ZNF699: variants seen among roughly 807,000 people sequenced by gnomAD.
ZNF699 encodes the protein hangover homolog.
Under a neutral mutation model 22.5 loss-of-function variants are expected in ZNF699, and 18 were observed. That is an observed-to-expected ratio of 0.80 (90% CI 0.55 to 1.19). The LOEUF is 1.19. ZNF699 is among the 50% of genes most tolerant of loss of function. ZNF699 has a pLI of 0.00. For synonymous variants in ZNF699, 241 were observed against 262.3 expected, an observed-to-expected ratio of 0.92 and a Z score of 0.78; for missense variants, 670 against 763.4, an observed-to-expected ratio of 0.88 and a Z score of 1.44.
At chr19:9,298,984 A>G (rs2066297288) in intron 3 of ZNF699, among the ~76,000 whole-genome samples, 1 of 152,238 alleles carries the variant, frequency 6.6e-6, no homozygotes, top group Non-Finnish European at 1.5e-5. Context: ...CCACAAGCAA[A>G]AAAATAAATC....
chr19:9,297,047 A>T lies in ZNF699; in HGVS notation c.471-114T>A. On this transcript the variant is annotated intron_variant, in intron 5 of 5. Coordinates refer to ENST00000591998, the MANE Select transcript of ZNF699 (RefSeq NM_198535.3). The surrounding 1 kb of genome is among the most constrained non-coding windows in gnomAD (Gnocchi z 4.3). ...GCTGAAAGTTTTCACAGAGGGCTCT[A>T]CGACAGCCAATACTGTCACTGAGTT... 1.1e-6 allele frequency: 1 copy of T among 939,630 alleles called. No individual in the cohort carries two copies. The highest frequency in any genetic ancestry group is 1.5e-6 in the Non-Finnish European group (1 of 648,752). 58.2% of individuals were successfully genotyped at this position (939,630 alleles called of 1,614,324 possible).
intron 1 of ZNF699, among the ~76,000 whole-genome samples, chr19:9,309,124 C>T (rs1307301071): frequency 6.7e-6 from 1 of 149,494 alleles, no homozygotes; most frequent in Non-Finnish European, 1.5e-5. Context: ...CAGGAGAGCA[C>T]CTTTTATTTT....
Position 9,296,883 on chromosome 19 carries a change from C to A in ZNF699, c.521G>T (p.Gly174Val), listed in dbSNP as rs1390676951. Residue 174 changes from glycine to valine, a missense_variant, in exon 6 of 6, where the codon GGA (glycine) becomes GTA (valine). Gly to Val is a moderately radical substitution (Grantham distance 109). Coordinates refer to ENST00000591998, the MANE Select transcript of ZNF699 (RefSeq NM_198535.3). ...ATTTGGAACTTGGCTGAAAGTCTGT[C>A]CATCTTGATTTTCTTCATAACATTC... ...IYECYEENQD[G>V]QTFSQVPNLD... is the part of the protein sequence containing the mutation. 6.2e-7 allele frequency: 1 copy of A among 1,613,036 alleles called. No homozygotes were observed.
At position 9,305,260 on chromosome 19, in the gene ZNF699, A is replaced by AACACACACACACACACACAC. The variant is rs1465683449; in HGVS notation, c.-5-137_-5-136insGTGTGTGTGTGTGTGTGTGT. The AACACACACACACACACACAC allele has an allele frequency of 1.9e-3, 1,211 of 650,814 alleles. 6 individuals carry two copies. Among genetic ancestry groups the AACACACACACACACACACAC allele is most frequent in the African/African-American group, 0.013 (668 of 52,878 alleles). The allele number at this position is 650,814 out of a possible 1,614,324, so 40.3% of individuals were successfully genotyped here. A position where few individuals can be genotyped will look rare whatever the true frequency, so the allele number is the denominator to read the frequency against. On this transcript the variant is annotated intron_variant, in intron 1 of 5. Transcript: ENST00000591998. ...AATTATAAGTAACAACTCCCCTCAAAACACATACACACACACACACACACA... is the reference window on the plus strand; with the variant it reads ...AATTATAAGTAACAACTCCCCTCAAAACACACACACACACACACACACACATACACACACACACACACACA...
At chr19:9,300,959 G>A (rs573816758) in intron 3 of ZNF699, among the ~76,000 whole-genome samples, 10 of 152,164 alleles carry the variant, frequency 6.6e-5, no homozygotes, top group Non-Finnish European at 1.3e-4. Flanking sequence ...CAATGATGAC[G>A]TGTCAATGTA....
In ZNF699 at chr19:9,293,928, T is replaced by A. The variant is rs200292466; in HGVS notation, c.*1547A>T. On this transcript the variant is annotated 3_prime_UTR_variant, in exon 6 of 6. Coordinates refer to ENST00000591998, the MANE Select transcript of ZNF699 (RefSeq NM_198535.3). ...CTGAAGCAATTCATCTTCTTACATTTAAAAAAAAAAAAAAAGCAGTAAAAT... is the reference window on the plus strand; with the variant it reads ...CTGAAGCAATTCATCTTCTTACATTAAAAAAAAAAAAAAAAGCAGTAAAAT... 1.5e-4 allele frequency among the ~76,000 whole-genome samples: 21 copies of A among 142,838 alleles called. No individual in the cohort carries two copies. The highest frequency in any genetic ancestry group is 5.6e-4 in the Admixed American group (8 of 14,360). 93.7% of individuals were successfully genotyped at this position (142,838 alleles called of 152,430 possible).
intron 1 of ZNF699, 64 bp from the exon 2 acceptor site, chr19:9,305,188 C>T: frequency 6.9e-7 from 1 of 1,451,706 alleles, no homozygotes; most frequent in South Asian, 1.2e-5. Flanking sequence ...AGAATCCAGA[C>T]CTCCCCAAAA....
intron 1 of ZNF699, among the ~76,000 whole-genome samples, chr19:9,307,571 A>G (rs1304967405): frequency 6.6e-6 from 1 of 152,208 alleles, no homozygotes; most frequent in Non-Finnish European, 1.5e-5. Context: ...AAATTAAAAT[A>G]ACTATTTCAG....
Position 9,291,909 on chromosome 19 carries a change from C to T in ZNF699, c.*3566G>A, listed in dbSNP as rs2144970941. ...TACAGACAGGGTTTCACCATGTTGG[C>T]CAGGCTGGTCTTAAACTCCTGACCT... On this transcript the variant is annotated 3_prime_UTR_variant, in exon 6 of 6. Transcript: ENST00000591998. Among the ~76,000 whole-genome samples the T allele has an allele frequency of 6.6e-6, 1 of 152,106 alleles. No homozygotes were observed. Among genetic ancestry groups the T allele is most frequent in the Middle Eastern group, 3.4e-3 (1 of 294 alleles).
intron 3 of ZNF699, among the ~76,000 whole-genome samples, chr19:9,301,945 C>T (rs1195723898): frequency 6.6e-6 from 1 of 151,114 alleles, no homozygotes; most frequent in African/African-American, 2.4e-5. Context: ...TCTTGTTGCC[C>T]AGGCTGGAGT....
Position 9,294,098 on chromosome 19 carries a change from A to G in ZNF699, c.*1377T>C, listed in dbSNP as rs769071993. 2.0e-5 allele frequency among the ~76,000 whole-genome samples: 3 copies of G among 152,172 alleles called. No individual in the cohort carries two copies. The East Asian group carries it at 5.8e-4, about 29-fold the overall frequency. On this transcript the variant is annotated 3_prime_UTR_variant, in exon 6 of 6. Transcript: ENST00000591998. ...GAGACTTGCGAACGTATTTTTCCCCATGAATAGCATGACATGATGCGATTG... is the reference window on the plus strand; with the variant it reads ...GAGACTTGCGAACGTATTTTTCCCCGTGAATAGCATGACATGATGCGATTG...
rs1279269325 is a variant in ZNF699 at position 9,309,617 on chromosome 19, CGCGGCG to C, written c.-279_-274del. The C allele has an allele frequency of 3.3e-5, 5 of 152,456 alleles. No individual in the cohort carries two copies. The highest frequency in any genetic ancestry group is 7.3e-5 in the Non-Finnish European group (5 of 68,238). 9.4% of individuals were successfully genotyped at this position (152,456 alleles called of 1,614,324 possible). Reference sequence around the variant, plus strand: ...TGACCCGGGCTCTCTGAGGAGGCGCCGCGGCGGCGGGAGGCCCCGGGCGCGGGGTCC... The same window carrying C: ...TGACCCGGGCTCTCTGAGGAGGCGCCGCGGGAGGCCCCGGGCGCGGGGTCC... On this transcript the variant is annotated 5_prime_UTR_variant, in exon 1 of 6. Transcript: ENST00000591998.
rs888107327 is a variant in ZNF699, at chr19:9,297,853, A to G, written c.286+27T>C. The G allele has an allele frequency of 5.1e-6, 8 of 1,561,968 alleles. No homozygotes were observed. In the Admixed American group the frequency reaches 5.2e-5, roughly 10 times the overall value. On this transcript the variant is annotated intron_variant, in intron 4 of 5. Coordinates refer to ENST00000591998, the MANE Select transcript of ZNF699 (RefSeq NM_198535.3). This position sits in a 1 kb window ranked among gnomAD's most constrained non-coding sequence, Gnocchi z 4.3. ...TTTAAGTTTATTTTTTCCCCCAACC[A>G]AAACAGTTTCTCCCAAGGGTTCTTG...
Position 9,297,069 on chromosome 19 carries a change from A to T in ZNF699, c.471-136T>A. The stretch of plus-strand genomic sequence containing the variant: ...TCTACGACAGCCAATACTGTCACTG[A>T]GTTATTGACTCACGGGATTTTTCTG... On this transcript the variant is annotated intron_variant, in intron 5 of 5. Coordinates refer to ENST00000591998, the MANE Select transcript of ZNF699 (RefSeq NM_198535.3). The surrounding 1 kb of genome is among the most constrained non-coding windows in gnomAD (Gnocchi z 4.3). The T allele has an allele frequency of 1.2e-6, 1 of 841,284 alleles. No individual in the cohort carries two copies. The highest frequency in any genetic ancestry group is 3.6e-4 in the Middle Eastern group (1 of 2,742). The allele number at this position is 841,284 out of a possible 1,614,324, so 52.1% of individuals were successfully genotyped here.
chr19:9,297,252 A>G lies in ZNF699; in HGVS notation c.470+44T>C. On this transcript the variant is annotated intron_variant, in intron 5 of 5. Coordinates refer to ENST00000591998, the MANE Select transcript of ZNF699 (RefSeq NM_198535.3). The surrounding 1 kb of genome is among the most constrained non-coding windows in gnomAD (Gnocchi z 4.3). ...TAAATTTCATGACTTTAATTTTAAGATTCTCTCCTGAGGCACTTTCTCTTT... is the reference window on the plus strand; with the variant it reads ...TAAATTTCATGACTTTAATTTTAAGGTTCTCTCCTGAGGCACTTTCTCTTT... The G allele has an allele frequency of 6.6e-7, 1 of 1,524,502 alleles. No individual in the cohort carries two copies. The highest frequency in any genetic ancestry group is 8.8e-7 in the Non-Finnish European group (1 of 1,138,516). The allele number at this position is 1,524,502 out of a possible 1,614,324, so 94.4% of individuals were successfully genotyped here. A position where few individuals can be genotyped will look rare whatever the true frequency, so the allele number is the denominator to read the frequency against.
At chr19:9,307,452 T>C (rs2066331549) in intron 1 of ZNF699, among the ~76,000 whole-genome samples, 3 of 152,044 alleles carry the variant, frequency 2.0e-5, no homozygotes, top group African/African-American at 2.4e-5. Flanking sequence ...ATACATCAGG[T>C]AGAGATACAT....
rs2066279563 is a variant in ZNF699, at chr19:9,295,095, A to G, written c.*380T>C. 5.3e-6 allele frequency: 1 copy of G among 187,316 alleles called. No homozygotes were observed. The highest frequency in any genetic ancestry group is 1.1e-5 in the Non-Finnish European group (1 of 91,384). 11.6% of individuals were successfully genotyped at this position (187,316 alleles called of 1,614,324 possible). ...CCTCCATGATCCAAAAGATTTTGTA[A>G]TGGAAATCATATTTACATCAGAACC... On this transcript the variant is annotated 3_prime_UTR_variant, in exon 6 of 6. Coordinates refer to ENST00000591998, the MANE Select transcript of ZNF699 (RefSeq NM_198535.3).
At position 9,298,382 on chromosome 19, in the gene ZNF699, G is replaced by A. The variant is rs374444787; in HGVS notation, c.176-392C>T. On this transcript the variant is annotated intron_variant, in intron 3 of 5. Transcript: ENST00000591998. Reference sequence around the variant, plus strand: ...AATTGCTTGAACCCGGGAGGCGGAGGTTGCAGTGAGCTGAGATCGTGCCAC... The same window carrying A: ...AATTGCTTGAACCCGGGAGGCGGAGATTGCAGTGAGCTGAGATCGTGCCAC... Among the ~76,000 whole-genome samples the A allele has an allele frequency of 1.3e-4, 19 of 149,712 alleles. No individual in the cohort carries two copies. In the South Asian group the frequency reaches 4.0e-3, roughly 31 times the overall value.
intron 1 of ZNF699, among the ~76,000 whole-genome samples, chr19:9,306,546 T>C (rs566934687): frequency 6.6e-6 from 1 of 152,350 alleles, no homozygotes; most frequent in South Asian, 2.1e-4. Context: ...CATTCTTTGC[T>C]GTATTAGTAA....
Sources: allele counts gnomAD v4.1 joint callset (sites outside exome capture counted in the v4.1 genomes callset), GRCh38; gene constraint gnomAD v4.1.1; non-coding constraint Gnocchi (gnomAD v3.1); transcripts MANE v1.5; gene names NCBI Gene and HGNC (gene_info 2026-07-23, HGNC 2026-07-21).